FOXN3: variants seen among roughly 807,000 people sequenced by gnomAD.
FOXN3 encodes the protein forkhead box N3.
In FOXN3, 7 loss-of-function variants were observed where a neutral mutation model predicts 38.4. The ratio of observed to expected loss-of-function variants is 0.18; its 90% CI spans 0.10 to 0.34. The LOEUF (loss-of-function observed/expected upper bound fraction) is 0.34. FOXN3 is among the 10% of genes least tolerant of loss of function. FOXN3 has a pLI of 1.00. For missense variants in FOXN3, 456 were observed against 613.4 expected (o/e 0.74, Z 2.71); for synonymous variants, 230 against 242.2 (o/e 0.95, Z 0.47).
chr14:89,560,033 T>C (rs544879407), intron 1 of FOXN3, among the ~76,000 whole-genome samples: 1 of 152,304 alleles, frequency 6.6e-6, no homozygotes, highest in South Asian at 2.1e-4. Context: ...TGACTCAGTT[T>C]GACAGGCTGA....
rs574385486 is a variant in FOXN3, at chr14:89,467,525, A to T, written c.-14-55035T>A. On this transcript the variant is annotated intron_variant, in intron 1 of 6. Coordinates refer to the FOXN3 transcript ENST00000345097. ...ACATAAACGGATTAGCCAAATGTAAATTTTTTTTAAGTGATAAACATGCCC... is the reference window on the plus strand; with the variant it reads ...ACATAAACGGATTAGCCAAATGTAATTTTTTTTTAAGTGATAAACATGCCC... 2.6e-3 allele frequency among the ~76,000 whole-genome samples: 388 copies of T among 151,766 alleles called. 4 individuals carry two copies. The highest frequency in any genetic ancestry group is 0.01 in the Middle Eastern group (3 of 294).
intron 4 of FOXN3, among the ~76,000 whole-genome samples, chr14:89,207,686 T>G (rs1456876174): frequency 1.3e-5 from 2 of 152,090 alleles, no homozygotes; most frequent in East Asian, 3.9e-4. Context: ...TACTCTACAG[T>G]AAAAAGTTTT....
intron 1 of FOXN3, among the ~76,000 whole-genome samples, chr14:89,532,054 G>A (rs1278511390): frequency 6.6e-6 from 1 of 152,200 alleles, no homozygotes; most frequent in Non-Finnish European, 1.5e-5. Flanking sequence ...AAATGCCAGT[G>A]TTGTGGCCCT....
At chr14:89,245,292 T>C (rs1454988731) in intron 4 of FOXN3, among the ~76,000 whole-genome samples, 2 of 152,182 alleles carry the variant, frequency 1.3e-5, no homozygotes, top group Non-Finnish European at 2.9e-5. Flanking sequence ...TTCCTGACGC[T>C]CCACGGATCT....
At chr14:89,560,856 T>G (rs562655873) in intron 1 of FOXN3, among the ~76,000 whole-genome samples, 60 of 152,292 alleles carry the variant, frequency 3.9e-4, no homozygotes, top group African/African-American at 1.4e-3. Flanking sequence ...AAACCAGGTC[T>G]CCCTTTGGTA....
rs1286059071 is a variant in FOXN3 at position 89,161,770 on chromosome 14, T to C, written c.*644A>G. On this transcript the variant is annotated 3_prime_UTR_variant, in exon 6 of 6. Coordinates refer to ENST00000557258, the MANE Select transcript of FOXN3 (RefSeq NM_005197.4). ...AGTCCAACGTCCACCTCGTAAGATG[T>C]CATCGGGCTTCAGGGTTCAGAAGCA... is the stretch of plus-strand genomic sequence containing the variant. 1 of 152,280 alleles carries C rather than the reference T, an allele frequency of 6.6e-6. No individual in the cohort carries two copies. Among genetic ancestry groups the C allele is most frequent in the Non-Finnish European group, 1.5e-5 (1 of 68,044 alleles). 9.4% of individuals were successfully genotyped at this position (152,280 alleles called of 1,614,324 possible).
intron 1 of FOXN3, among the ~76,000 whole-genome samples, chr14:89,433,553 C>T (rs973008113): frequency 2.7e-4 from 41 of 151,770 alleles, no homozygotes; most frequent in African/African-American, 9.7e-4. Context: ...GCCTATAATC[C>T]GAGCACTTCA....
In FOXN3 at chr14:89,350,693, G is replaced by T; in HGVS notation, c.659C>A (p.Thr220Asn). The change falls in exon 3 of 6, where the codon ACC (threonine) becomes AAC (asparagine). Residue 220 changes from threonine to asparagine, a missense_variant. This residue lies in a region of FOXN3 where 386 missense variants were observed against 505.2 expected (regional missense o/e 0.76). Coordinates refer to ENST00000557258, the MANE Select transcript of FOXN3 (RefSeq NM_005197.4). ...TTACCTTTGATATGCCTGAGGACAG[G>T]TGGGAGGTGTATTGAACACGTGTGG... ...PHPHVFNTPP[T>N]CPQAYQSTSG... 1 of 1,575,122 alleles carries T rather than the reference G, an allele frequency of 6.3e-7. No individual in the cohort carries two copies. Among genetic ancestry groups the T allele is most frequent in the Non-Finnish European group, 8.6e-7 (1 of 1,166,066 alleles).
intron 1 of FOXN3, among the ~76,000 whole-genome samples, chr14:89,477,642 C>A (rs1260772787): frequency 2.6e-5 from 4 of 152,188 alleles, no homozygotes; most frequent in Admixed American, 2.6e-4. Flanking sequence ...GAGAATACAC[C>A]ACGGCCAGCC....
At chr14:89,374,712 C>CT (rs1432728592) in intron 2 of FOXN3, among the ~76,000 whole-genome samples, 1 of 152,140 alleles carries the variant, frequency 6.6e-6, no homozygotes, top group Non-Finnish European at 1.5e-5. Context: ...TGGCTCATGC[C>CT]TGTAATCCCA....
At chr14:89,166,011 G>A (rs1305401463) in intron 5 of FOXN3, among the ~76,000 whole-genome samples, 16 of 152,204 alleles carry the variant, frequency 1.1e-4, no homozygotes. Context: ...GGAGAATCAC[G>A]AGTGGGAGAG....
intron 2 of FOXN3, among the ~76,000 whole-genome samples, chr14:89,359,850 G>A (rs562064172): frequency 6.6e-6 from 1 of 152,320 alleles, no homozygotes; most frequent in African/African-American, 2.4e-5. Context: ...GATAAGAGAA[G>A]GGTCTCCCTG....
upstream of FOXN3, chr14:89,417,662 A>G (rs1167077278): frequency 4.4e-6 from 2 of 455,668 alleles, no homozygotes; most frequent in Non-Finnish European, 8.8e-6. Context: ...CGAAAGTAAA[A>G]ATAAAAAGAA....
intron 1 of FOXN3, among the ~76,000 whole-genome samples, chr14:89,425,062 CTTT>C (rs3994032): frequency 2.9e-5 from 3 of 104,218 alleles, no homozygotes; most frequent in Non-Finnish European, 3.6e-5. Context: ...GTTTTCTTTT[CTTT>C]TTTTTTTTTT....
At position 89,477,972 on chromosome 14, in the gene FOXN3, C is replaced by T. The variant is rs140762185; in HGVS notation, c.-14-65482G>A. 3.3e-5 allele frequency among the ~76,000 whole-genome samples: 5 copies of T among 152,190 alleles called. No homozygotes were observed. The East Asian group carries it at 5.8e-4, about 18-fold the overall frequency. On this transcript the variant is annotated intron_variant, in intron 1 of 6. Coordinates refer to the FOXN3 transcript ENST00000345097. ...CCAAGAGCTTCCACAAGGCCTTCAA[C>T]GCTGATATAGTTTGGATATTTGTCC...
chr14:89,518,163 G>A (rs1440756947), intron 1 of FOXN3, among the ~76,000 whole-genome samples: 1 of 152,124 alleles, frequency 6.6e-6, no homozygotes, highest in African/African-American at 2.4e-5. Context: ...GACATCACCT[G>A]GGCATGTGTA....
intron 3 of FOXN3, among the ~76,000 whole-genome samples, chr14:89,296,119 G>A (rs1887032086): frequency 1.3e-5 from 2 of 152,012 alleles, no homozygotes; most frequent in Admixed American, 6.6e-5. Flanking sequence ...TAAATAACTA[G>A]ATAAATACAT....
At chr14:89,424,716 A>G (rs1181341828) in intron 1 of FOXN3, among the ~76,000 whole-genome samples, 1 of 151,646 alleles carries the variant, frequency 6.6e-6, no homozygotes, top group Non-Finnish European at 1.5e-5. Flanking sequence ...GACTCTACAA[A>G]AAAAAAAAAA....
chr14:89,559,278 G>A (rs1423287300), intron 1 of FOXN3, among the ~76,000 whole-genome samples: 1 of 152,206 alleles, frequency 6.6e-6, no homozygotes, highest in African/African-American at 2.4e-5. Context: ...TACTTGGGAG[G>A]CTGAACTGGG....
Sources: gnomAD v4.1 joint callset for allele counts (sites outside exome capture counted in the v4.1 genomes callset) on GRCh38, gnomAD v4.1.1 for gene constraint, gnomAD v4.1.1 regional missense constraint, MANE v1.5 for transcripts, NCBI Gene and HGNC (gene_info 2026-07-23, HGNC 2026-07-21) for gene names.